OCA2: variants seen among roughly 807,000 people sequenced by gnomAD.
OCA2 encodes the protein OCA2 melanosomal transmembrane protein, also known as P protein.
A neutral mutation model predicts 100.2 loss-of-function variants in OCA2; 77 were observed. The ratio of observed to expected loss-of-function variants is 0.77; its 90% CI spans 0.64 to 0.93. The LOEUF is 0.93. Ranked by LOEUF, OCA2 falls within the 40% of genes least tolerant of loss-of-function variation. OCA2 has a pLI of 0.00. For missense variants in OCA2, 1,062 were observed against 1,089.1 expected (o/e 0.98, Z 0.35); for synonymous variants, 432 against 439.2 (o/e 0.98, Z 0.21).
chr15:28,022,284 G>A (rs893805483), intron 6 of OCA2, among the ~76,000 whole-genome samples: 13 of 152,150 alleles, frequency 8.5e-5, no homozygotes, highest in African/African-American at 2.4e-4. Flanking sequence ...TTCCTCACTC[G>A]GAGAGCTCCA....
chr15:27,892,007 C>A (rs534013888), intron 19 of OCA2, among the ~76,000 whole-genome samples: 23 of 152,082 alleles, frequency 1.5e-4, no homozygotes, highest in African/African-American at 5.5e-4. Flanking sequence ...GGTCAATCCA[C>A]CAGGAAGATA....
chr15:27,989,699 C>T (rs202234532), intron 10 of OCA2, 33 bp from the exon 11 acceptor site: 106 of 1,597,710 alleles, frequency 6.6e-5, no homozygotes, highest in African/African-American at 9.4e-5. Flanking sequence ...CCAATTAATC[C>T]GTGCGCCGCC....
At chr15:27,858,322 C>T (rs1210408253) in intron 21 of OCA2, among the ~76,000 whole-genome samples, 1 of 147,868 alleles carries the variant, frequency 6.8e-6, no homozygotes, top group Non-Finnish European at 1.5e-5. Context: ...TGCAGTGAGC[C>T]GAGATCACAC....
intron 19 of OCA2, among the ~76,000 whole-genome samples, chr15:27,918,735 T>G (rs2140318048): frequency 6.6e-6 from 1 of 152,356 alleles, no homozygotes; most frequent in Middle Eastern, 3.4e-3. Flanking sequence ...CAATGCTACA[T>G]GTACCTGCAC....
At chr15:27,738,853 AT>A in the OCA2 span, among the ~76,000 whole-genome samples, 1 of 151,688 alleles carries the variant, frequency 6.6e-6, no homozygotes, top group Non-Finnish European at 1.5e-5. Context: ...AATATTTATA[AT>A]TTCCTTTATG....
At chr15:28,045,612 C>T (rs1001163214) in intron 2 of OCA2, among the ~76,000 whole-genome samples, 4 of 152,150 alleles carry the variant, frequency 2.6e-5, no homozygotes, top group Admixed American at 6.5e-5. Context: ...CTGGCTGGAC[C>T]TCACACTCAC....
intron 2 of OCA2, among the ~76,000 whole-genome samples, chr15:28,071,675 T>TG (rs1200174221): frequency 6.6e-6 from 1 of 152,138 alleles, no homozygotes; most frequent in African/African-American, 2.4e-5. Flanking sequence ...AGGAGAGGAC[T>TG]CCCTATTCAA....
chr15:27,923,988 T>C (rs1264415767), intron 19 of OCA2, among the ~76,000 whole-genome samples: 1 of 152,212 alleles, frequency 6.6e-6, no homozygotes, highest in Non-Finnish European at 1.5e-5. Context: ...TTTTATAGTT[T>C]GGGGTTTACG....
chr15:28,066,137 T>C (rs2044016492), intron 2 of OCA2, among the ~76,000 whole-genome samples: 1 of 152,182 alleles, frequency 6.6e-6, no homozygotes, highest in South Asian at 2.1e-4. Flanking sequence ...CAAATGTAAA[T>C]TGATGTTTTA....
intron 23 of OCA2, among the ~76,000 whole-genome samples, chr15:27,770,169 T>C (rs1043214421): frequency 5.9e-5 from 9 of 152,028 alleles, no homozygotes; most frequent in Non-Finnish European, 1.0e-4. Context: ...GAAACAAAGC[T>C]CATCCTCGTT....
At chr15:28,094,741 CGCCCCTGCT>C (rs1340719327) in intron 1 of OCA2, among the ~76,000 whole-genome samples, 11 of 152,302 alleles carry the variant, frequency 7.2e-5, no homozygotes, top group Admixed American at 6.5e-4. Context: ...CCCCTCCTGC[CGCCCCTGCT>C]GCCAGCACCG....
At chr15:27,794,755 T>TG (rs113241836) in intron 23 of OCA2, among the ~76,000 whole-genome samples, 1,614 of 152,346 alleles carry the variant, frequency 0.011, 32 homozygotes, top group African/African-American at 0.037. Context: ...GCATTCTCGT[T>TG]GGAATGCCTA....
intron 23 of OCA2, among the ~76,000 whole-genome samples, chr15:27,766,951 G>A (rs1292268175): frequency 6.6e-6 from 1 of 152,214 alleles, no homozygotes; most frequent in Non-Finnish European, 1.5e-5. Flanking sequence ...CGCCCTGTAT[G>A]AAATCCTCAA....
rs767493188 is a variant in OCA2 at position 28,027,217 on chromosome 15, C to T, written c.515+654G>A. 2.0e-5 allele frequency among the ~76,000 whole-genome samples: 3 copies of T among 152,326 alleles called. No homozygotes were observed. In the South Asian group the frequency reaches 6.2e-4, roughly 32 times the overall value. On this transcript the variant is annotated intron_variant, in intron 4 of 23. Transcript: ENST00000354638. ...CCTCCCACGCATGCGCGCCCTAGGC[C>T]TACACACGCATGCGTACTCCCACTC...
Position 27,851,377 on chromosome 15 carries a change from C to A in OCA2, c.2338+5G>T. 6.2e-7 allele frequency: 1 copy of A among 1,613,342 alleles called. No individual in the cohort carries two copies. The highest frequency in any genetic ancestry group is 8.5e-7 in the Non-Finnish European group (1 of 1,179,642). On this transcript the variant is annotated splice_donor_5th_base_variant and intron_variant, in intron 22 of 23. Coordinates refer to ENST00000354638, the MANE Select transcript of OCA2 (RefSeq NM_000275.3). ...CCCACCCCCATGCAGTCAGCAGCCC[C>A]TTACCTCCCAGGCAAGCACCGAAGG...
chr15:27,842,785 T>C (rs1184021998), intron 23 of OCA2, among the ~76,000 whole-genome samples: 1 of 152,216 alleles, frequency 6.6e-6, no homozygotes, highest in Non-Finnish European at 1.5e-5. Flanking sequence ...GGCCACCGAC[T>C]TCCTGTCATA....
chr15:27,815,845 T>C (rs1275183514), intron 23 of OCA2, among the ~76,000 whole-genome samples: 3 of 152,206 alleles, frequency 2.0e-5, no homozygotes, highest in African/African-American at 7.2e-5. Flanking sequence ...AAAATAATCA[T>C]ATTCTGGCTG....
chr15:27,921,009 A>G (rs2038838447), intron 19 of OCA2, among the ~76,000 whole-genome samples: 1 of 152,080 alleles, frequency 6.6e-6, no homozygotes, highest in South Asian at 2.1e-4. Context: ...TTTTTAAAAA[A>G]AGAGAGAATA....
chr15:27,836,395 T>G (rs1225177225), intron 23 of OCA2, among the ~76,000 whole-genome samples: 1 of 146,548 alleles, frequency 6.8e-6, no homozygotes, highest in Non-Finnish European at 1.5e-5. Context: ...TCTTTTCTTG[T>G]CTTGTCTTTT....
Sources: allele counts gnomAD v4.1 joint callset (sites outside exome capture counted in the v4.1 genomes callset), GRCh38; gene constraint gnomAD v4.1.1; transcripts MANE v1.5; gene names NCBI Gene and HGNC (gene_info 2026-07-23, HGNC 2026-07-21).